The following LURAP1L variants were observed in gnomAD, a reference collection of about 807,000 sequenced individuals.
LURAP1L encodes the protein leucine rich adaptor protein 1 like, also known as leucine rich adaptor protein 1-like.
In LURAP1L, 12 loss-of-function variants were observed where a neutral mutation model predicts 13.8. The ratio of observed to expected loss-of-function variants is 0.87; its 90% CI spans 0.56 to 1.41. The LOEUF (loss-of-function observed/expected upper bound fraction) is 1.41. Ranked by LOEUF, LURAP1L falls within the 40% of genes most tolerant of loss-of-function variation. The probability of loss-of-function intolerance (pLI) is 0.00; values close to 1 mark genes in which losing one functional copy is unlikely to be tolerated. For synonymous variants in LURAP1L, 139 were observed against 119.2 expected, an observed-to-expected ratio of 1.17 and a Z score of -1.08; for missense variants, 375 against 292.9, an observed-to-expected ratio of 1.28 and a Z score of -2.04.
intron 1 of LURAP1L, among the ~76,000 whole-genome samples, chr9:12,786,102 G>A (rs975531504): frequency 3.9e-5 from 6 of 152,026 alleles, no homozygotes; most frequent in African/African-American, 1.4e-4. Flanking sequence ...ATGACACACA[G>A]TATTTCAAAC....
At chr9:12,804,595 G>A (rs1478324146) in intron 1 of LURAP1L, among the ~76,000 whole-genome samples, 4 of 151,844 alleles carry the variant, frequency 2.6e-5, no homozygotes, top group Admixed American at 6.6e-5. Context: ...CGCTTGCCTC[G>A]GCCTCCAAAA....
chr9:12,790,070 A>G (rs1231167543), intron 1 of LURAP1L, among the ~76,000 whole-genome samples: 2 of 152,186 alleles, frequency 1.3e-5, no homozygotes, highest in African/African-American at 2.4e-5. Flanking sequence ...AGTAAATTTT[A>G]TGCATTGACA....
intron 1 of LURAP1L, among the ~76,000 whole-genome samples, chr9:12,806,820 T>C (rs904923462): frequency 6.6e-6 from 1 of 151,774 alleles, no homozygotes; most frequent in Non-Finnish European, 1.5e-5. Flanking sequence ...GTCGCTATGC[T>C]CTACCAGGGT....
At chr9:12,788,187 G>GAAAGAAAGAAAGAAA (rs374048758) in intron 1 of LURAP1L, among the ~76,000 whole-genome samples, 1 of 136,598 alleles carries the variant, frequency 7.3e-6, no homozygotes, top group African/African-American at 2.7e-5. Flanking sequence ...AAGAAAGAAA[G>GAAAGAAAGAAAGAAA]AAAGAAAAGA....
At chr9:12,791,190 G>C (rs1819435937) in intron 1 of LURAP1L, among the ~76,000 whole-genome samples, 1 of 152,074 alleles carries the variant, frequency 6.6e-6, no homozygotes. Context: ...TAGGTTTCTT[G>C]AGTGTTCATT....
At chr9:12,796,289 A>T (rs1165671215) in intron 1 of LURAP1L, among the ~76,000 whole-genome samples, 1 of 152,070 alleles carries the variant, frequency 6.6e-6, no homozygotes, top group Non-Finnish European at 1.5e-5. Flanking sequence ...AGTGACCAAA[A>T]AAACACCATT....
chr9:12,802,107 T>TA (rs1325874488), intron 1 of LURAP1L, among the ~76,000 whole-genome samples: 1 of 152,142 alleles, frequency 6.6e-6, no homozygotes, highest in Non-Finnish European at 1.5e-5. Flanking sequence ...GCTGTAGTTT[T>TA]ATCTAATTTC....
At chr9:12,778,760 T>C (rs1819226595) in intron 1 of LURAP1L, among the ~76,000 whole-genome samples, 1 of 152,248 alleles carries the variant, frequency 6.6e-6, no homozygotes, top group African/African-American at 2.4e-5. Context: ...ATTAAACACA[T>C]GCTATGTGCT....
chr9:12,799,356 A>G (rs750755240), intron 1 of LURAP1L, among the ~76,000 whole-genome samples: 7 of 152,218 alleles, frequency 4.6e-5, no homozygotes, highest in Non-Finnish European at 4.4e-5. Context: ...TTCAATGCAC[A>G]TATGTAATTT....
At chr9:12,777,052 A>G in intron 1 of LURAP1L, 1 of 195,398 alleles carries the variant, frequency 5.1e-6, no homozygotes. Context: ...AAATAATTTC[A>G]TTAAATTAAC....
At chr9:12,813,405 T>G (rs1276604251) in intron 1 of LURAP1L, among the ~76,000 whole-genome samples, 1 of 152,178 alleles carries the variant, frequency 6.6e-6, no homozygotes, top group African/African-American at 2.4e-5. Context: ...AGGGTGAAAA[T>G]ACCGTATATG....
At chr9:12,791,536 A>G (rs1334209268) in intron 1 of LURAP1L, among the ~76,000 whole-genome samples, 2 of 151,938 alleles carry the variant, frequency 1.3e-5, no homozygotes, top group Non-Finnish European at 2.9e-5. Context: ...ATAATTCCAG[A>G]CTTTACGTAA....
intron 1 of LURAP1L, among the ~76,000 whole-genome samples, chr9:12,783,334 C>T (rs1819301358): frequency 6.6e-6 from 1 of 152,104 alleles, no homozygotes; most frequent in Admixed American, 6.6e-5. Flanking sequence ...ATGATACCAG[C>T]TGTAGGTCTG....
chr9:12,780,067 A>T (rs1020488834), intron 1 of LURAP1L, among the ~76,000 whole-genome samples: 1 of 152,180 alleles, frequency 6.6e-6, no homozygotes, highest in African/African-American at 2.4e-5. Flanking sequence ...AATATTCATG[A>T]TGTAGGAGTA....
At chr9:12,808,270 T>C (rs535110316) in intron 1 of LURAP1L, among the ~76,000 whole-genome samples, 1 of 152,222 alleles carries the variant, frequency 6.6e-6, no homozygotes, top group African/African-American at 2.4e-5. Context: ...TGGTGACAAA[T>C]TTTCTCCATT....
At position 12,787,985 on chromosome 9, in the gene LURAP1L, G is replaced by GCCTGTAATCTCAGCTA. The variant is rs1819381687; in HGVS notation, c.312+11960_312+11975dup. Among the ~76,000 whole-genome samples the GCCTGTAATCTCAGCTA allele has an allele frequency of 2.6e-5, 4 of 151,956 alleles. No individual in the cohort carries two copies. The South Asian group carries it at 8.3e-4, about 32-fold the overall frequency. On this transcript the variant is annotated intron_variant, in intron 1 of 1. Coordinates refer to ENST00000319264, the MANE Select transcript of LURAP1L (RefSeq NM_203403.2). ...AAATTAGCCGGGTGTGGTGGTAGGTGCCTGTAATCTCAGCTACTCAGGAGG... is the reference window on the plus strand; with the variant it reads ...AAATTAGCCGGGTGTGGTGGTAGGTGCCTGTAATCTCAGCTACCTGTAATCTCAGCTACTCAGGAGG...
In LURAP1L at chr9:12,821,485, A is replaced by C. The variant is rs1819879469; in HGVS notation, c.412A>C (p.Ile138Leu). 4 of 1,614,190 alleles carry C rather than the reference A, an allele frequency of 2.5e-6. No homozygotes were observed. The highest frequency in any genetic ancestry group is 3.4e-6 in the Non-Finnish European group (4 of 1,180,040). ...IKWMIEEKAT[I>L]TSRGSSLSGS... ...GTGGATGATCGAAGAAAAAGCCACC[A>C]TTACCAGCAGAGGCAGCAGCCTCAG... Residue 138 changes from isoleucine (I) to leucine (L), a missense_variant, in exon 2 of 2, where the codon ATT (isoleucine) becomes CTT (leucine). Physicochemically the swap from Ile to Leu is conservative, Grantham distance 5. Coordinates refer to ENST00000319264, the MANE Select transcript of LURAP1L (RefSeq NM_203403.2).
At chr9:12,781,414 C>A (rs1346047066) in intron 1 of LURAP1L, among the ~76,000 whole-genome samples, 1 of 152,186 alleles carries the variant, frequency 6.6e-6, no homozygotes, top group African/African-American at 2.4e-5. Flanking sequence ...CTCGCTACCC[C>A]TTCCCAGCCT....
chr9:12,795,379 G>C (rs566260477), intron 1 of LURAP1L, among the ~76,000 whole-genome samples: 14 of 151,978 alleles, frequency 9.2e-5, no homozygotes, highest in African/African-American at 3.1e-4. Context: ...AGTATTGGAG[G>C]AATACATTAA....
Sources: allele counts gnomAD v4.1 joint callset (sites outside exome capture counted in the v4.1 genomes callset), GRCh38; gene constraint gnomAD v4.1.1; transcripts MANE v1.5; gene names NCBI Gene and HGNC (gene_info 2026-07-23, HGNC 2026-07-21).